Variants in MAPK10 observed in about 807,000 individuals in gnomAD.
The protein encoded by MAPK10 is mitogen-activated protein kinase 10, also known as JNK3 alpha protein kinase.
In MAPK10, 25 loss-of-function variants were observed where a neutral mutation model predicts 59.3. The ratio of observed to expected loss-of-function variants is 0.42; its 90% CI spans 0.31 to 0.59. MAPK10 has a LOEUF of 0.59. Among genes scored for constraint, MAPK10 ranks in the 20% least tolerant of loss-of-function variants. The pLI is 0.15. For synonymous variants in MAPK10, 190 were observed against 200.5 expected, an observed-to-expected ratio of 0.95 and a Z score of 0.44; for missense variants, 351 against 568.9, an observed-to-expected ratio of 0.62 and a Z score of 3.90.
At chr4:86,385,089 A>G (rs1429837575) in intron 1 of MAPK10, among the ~76,000 whole-genome samples, 1 of 152,038 alleles carries the variant, frequency 6.6e-6, no homozygotes, top group Non-Finnish European at 1.5e-5. Flanking sequence ...AGTACAGAAA[A>G]CACTTTTTTT....
At chr4:86,321,494 C>A (rs958311285) in intron 2 of MAPK10, among the ~76,000 whole-genome samples, 1 of 148,840 alleles carries the variant, frequency 6.7e-6, no homozygotes, top group Non-Finnish European at 1.5e-5. Context: ...AACAAAAAAA[C>A]AAACACCGCA....
At chr4:86,550,819 G>A (rs1021612091) in intron 1 of MAPK10, among the ~76,000 whole-genome samples, 2 of 147,266 alleles carry the variant, frequency 1.4e-5, no homozygotes, top group African/African-American at 2.4e-5. Flanking sequence ...ATATTCCTCC[G>A]TGTGTTGGTC....
At chr4:86,268,917 T>C (rs953308265) in intron 2 of MAPK10, among the ~76,000 whole-genome samples, 3 of 152,188 alleles carry the variant, frequency 2.0e-5, no homozygotes, top group African/African-American at 7.2e-5. Flanking sequence ...TATATACTTC[T>C]TGAGAAACGT....
chr4:86,453,572 C>T (rs1750972340), upstream of MAPK10: 1 of 123,594 alleles, frequency 8.1e-6, no homozygotes, highest in South Asian at 3.5e-4. Context: ...TCACCCCCAC[C>T]CCCCCACCCC....
At chr4:86,019,381 G>T (rs531597127) in intron 13 of MAPK10, among the ~76,000 whole-genome samples, 1 of 152,154 alleles carries the variant, frequency 6.6e-6, no homozygotes, top group East Asian at 1.9e-4. Context: ...AAGTCCTCCT[G>T]TTATTGTCTT....
chr4:86,135,377 C>T (rs944378714), intron 4 of MAPK10, among the ~76,000 whole-genome samples: 3 of 152,210 alleles, frequency 2.0e-5, no homozygotes, highest in African/African-American at 7.2e-5. Context: ...GGTCCCTGAC[C>T]CCTGACCCCC....
At chr4:86,392,523 A>G (rs1742364124) in intron 1 of MAPK10, 1 of 152,040 alleles carries the variant, frequency 6.6e-6, no homozygotes, top group South Asian at 2.1e-4. Flanking sequence ...TCAGTTACAT[A>G]AGCCATCACA....
At chr4:86,451,996 A>G (rs1249500964) in intron 1 of MAPK10, among the ~76,000 whole-genome samples, 2 of 152,164 alleles carry the variant, frequency 1.3e-5, no homozygotes, top group South Asian at 2.1e-4. Flanking sequence ...TAAGGTAGCT[A>G]TTTGTTTTAT....
intron 2 of MAPK10, among the ~76,000 whole-genome samples, chr4:86,354,104 GTGT>G (rs1733158489): frequency 6.9e-6 from 1 of 145,240 alleles, no homozygotes; most frequent in African/African-American, 2.5e-5. Flanking sequence ...GAGCTAAATT[GTGT>G]GTGTGTGTGT....
chr4:86,377,897 C>G (rs1740070125), intron 1 of MAPK10, among the ~76,000 whole-genome samples: 1 of 152,056 alleles, frequency 6.6e-6, no homozygotes, highest in South Asian at 2.1e-4. Context: ...CTAGGCCAGT[C>G]TCTCCTTTCA....
At chr4:86,279,283 T>C (rs1010611866) in intron 2 of MAPK10, among the ~76,000 whole-genome samples, 10 of 152,180 alleles carry the variant, frequency 6.6e-5, no homozygotes, top group Non-Finnish European at 1.0e-4. Flanking sequence ...CTCTTTGATA[T>C]CTTGTTTTCT....
intron 3 of MAPK10, among the ~76,000 whole-genome samples, chr4:86,186,244 A>T (rs752037457): frequency 2.0e-5 from 3 of 152,122 alleles, no homozygotes; most frequent in Non-Finnish European, 4.4e-5. Context: ...CAAGGTCACA[A>T]GTAAATGGCT....
chr4:86,418,557 G>A (rs1400666403), intron 1 of MAPK10, among the ~76,000 whole-genome samples: 2 of 152,152 alleles, frequency 1.3e-5, no homozygotes, highest in African/African-American at 4.8e-5. Flanking sequence ...ACTATAAAAT[G>A]TTCCTCCTCC....
chr4:86,542,700 A>G (rs916430696), intron 1 of MAPK10: 86 of 154,504 alleles, frequency 5.6e-4, no homozygotes, highest in African/African-American at 1.9e-3. Context: ...TTTCTCAGAT[A>G]TATGTATGAG....
In MAPK10 at chr4:86,489,955, A is replaced by G. The variant is rs941974819; in HGVS notation, c.-263+103955T>C. On this transcript the variant is annotated intron_variant, in intron 1 of 4. Transcript: ENST00000502302. The stretch of plus-strand genomic sequence containing the variant: ...AGTCAGTCCCCCCATCTCCAGCATC[A>G]TGGTCTAACCAAGCCCTCCAAATAA... Among the ~76,000 whole-genome samples the G allele has an allele frequency of 1.6e-4, 24 of 152,124 alleles. 2 individuals carry two copies.
intron 3 of MAPK10, among the ~76,000 whole-genome samples, chr4:86,187,604 A>G (rs2078572235): frequency 6.6e-6 from 1 of 152,180 alleles, no homozygotes; most frequent in Non-Finnish European, 1.5e-5. Flanking sequence ...TTTTATGGTT[A>G]AAGACCCATT....
chr4:86,524,090 T>C (rs919954880), intron 1 of MAPK10, among the ~76,000 whole-genome samples: 2 of 152,174 alleles, frequency 1.3e-5, no homozygotes, highest in African/African-American at 4.8e-5. Context: ...GCTTCCTCTT[T>C]TGCAATGTGA....
chr4:86,576,473 A>AT (rs1239415345), intron 1 of MAPK10, among the ~76,000 whole-genome samples: 1 of 152,114 alleles, frequency 6.6e-6, no homozygotes, highest in African/African-American at 2.4e-5. Context: ...GCCCAGCATG[A>AT]TTTTAAACGG....
intron 2 of MAPK10, among the ~76,000 whole-genome samples, chr4:86,346,602 C>G (rs1026024776): frequency 1.3e-5 from 2 of 151,948 alleles, no homozygotes; most frequent in South Asian, 4.1e-4. Context: ...TTGGTATATC[C>G]GGGACCTCAG....
Sources: gnomAD v4.1 joint callset for allele counts (sites outside exome capture counted in the v4.1 genomes callset) on GRCh38, gnomAD v4.1.1 for gene constraint, MANE v1.5 for transcripts, NCBI Gene and HGNC (gene_info 2026-07-23, HGNC 2026-07-21) for gene names.